The following DLGAP1 variants were observed in gnomAD, a reference collection of about 807,000 sequenced individuals.
DLGAP1 encodes the protein disks large-associated protein 1.
A neutral mutation model predicts 90.8 loss-of-function variants in DLGAP1; 11 were observed. The observed-to-expected ratio is 0.12, with a 90% CI of 0.08 to 0.20. DLGAP1 has a LOEUF of 0.20. Among genes scored for constraint, DLGAP1 ranks in the 10% least tolerant of loss-of-function variants. The pLI is 1.00. For synonymous variants in DLGAP1, 558 were observed against 540.7 expected, an observed-to-expected ratio of 1.03 and a Z score of -0.44; for missense variants, 1,050 against 1,333.8, an observed-to-expected ratio of 0.79 and a Z score of 3.31.
chr18:4,363,700 A>T (rs940929936), intron 1 of DLGAP1, among the ~76,000 whole-genome samples: 4 of 152,338 alleles, frequency 2.6e-5, no homozygotes, highest in Non-Finnish European at 1.5e-5. Flanking sequence ...TTAAAACCAC[A>T]ATGAGATACC....
In DLGAP1 at chr18:4,430,170, T is replaced by C. The variant is rs1037813985; in HGVS notation, c.-267+24836A>G. Among the ~76,000 whole-genome samples the C allele has an allele frequency of 4.6e-5, 7 of 152,174 alleles. No individual in the cohort carries two copies. In the South Asian group the frequency reaches 1.0e-3, roughly 23 times the overall value. ...TGGGGTATTTCAATGTTGCTGATGA[T>C]GTTCTATCTGCAGATGGATGGTGTG... On this transcript the variant is annotated intron_variant, in intron 1 of 12. Transcript: ENST00000315677.
intron 2 of DLGAP1, among the ~76,000 whole-genome samples, chr18:4,081,864 C>T (rs2075613215): frequency 6.6e-6 from 1 of 152,148 alleles, no homozygotes; most frequent in Non-Finnish European, 1.5e-5. Flanking sequence ...AAATCATTTA[C>T]TATGCTCCTA....
intron 3 of DLGAP1, among the ~76,000 whole-genome samples, chr18:3,955,252 C>T (rs1434063666): frequency 6.6e-6 from 1 of 152,142 alleles, no homozygotes; most frequent in East Asian, 1.9e-4. Context: ...ATTGGGCATG[C>T]TCCGGACTTG....
In DLGAP1 at chr18:3,499,055, C is replaced by CT; in HGVS notation, c.*129dup. 1 of 833,796 alleles carries CT rather than the reference C, an allele frequency of 1.2e-6. No individual in the cohort carries two copies. The highest frequency in any genetic ancestry group is 1.9e-5 in the South Asian group (1 of 52,932). 51.6% of individuals were successfully genotyped at this position (833,796 alleles called of 1,614,324 possible). On this transcript the variant is annotated 3_prime_UTR_variant, in exon 13 of 13. Coordinates refer to ENST00000315677, the MANE Select transcript of DLGAP1 (RefSeq NM_004746.4). This position sits in a 1 kb window ranked among gnomAD's most constrained non-coding sequence, Gnocchi z 6.4. Reference sequence around the variant, plus strand: ...GGGGCGGCTCCTGCGAGGTGGACAACTACACCGCGACAGTGGAAGTCACCG... The same window carrying CT: ...GGGGCGGCTCCTGCGAGGTGGACAACTTACACCGCGACAGTGGAAGTCACCG...
chr18:4,024,395 A>G (rs1372568926), intron 2 of DLGAP1, among the ~76,000 whole-genome samples: 1 of 152,208 alleles, frequency 6.6e-6, no homozygotes, highest in Non-Finnish European at 1.5e-5. Flanking sequence ...ACAGCTGGGA[A>G]GAACCCCATG....
At chr18:3,657,004 C>T (rs571927905) in intron 7 of DLGAP1, among the ~76,000 whole-genome samples, 1 of 152,266 alleles carries the variant, frequency 6.6e-6, no homozygotes, top group Admixed American at 6.5e-5. Context: ...CCTCAGCCTC[C>T]CAAAGTGCTG....
intron 1 of DLGAP1, among the ~76,000 whole-genome samples, chr18:4,220,865 C>G (rs952723646): frequency 6.6e-6 from 1 of 152,086 alleles, no homozygotes; most frequent in South Asian, 2.1e-4. Flanking sequence ...TTTAGGTCAA[C>G]AGTGGACCAC....
chr18:3,601,802 G>A (rs2057038750), intron 7 of DLGAP1, among the ~76,000 whole-genome samples: 1 of 139,892 alleles, frequency 7.1e-6, no homozygotes, highest in African/African-American at 2.8e-5. Context: ...CCCAGATCAC[G>A]CCACTGCACT....
At position 3,771,190 on chromosome 18, in the gene DLGAP1, G is replaced by T. The variant is rs116210074; in HGVS notation, c.1173-28678C>A. 8.4e-3 allele frequency: 1,284 copies of T among 152,320 alleles called. 17 individuals are homozygous for T. Among genetic ancestry groups the T allele is most frequent in the African/African-American group, 0.029 (1,185 of 41,570 alleles). The allele number at this position is 152,320 out of a possible 1,614,324, so 9.4% of individuals were successfully genotyped here. A position where few individuals can be genotyped will look rare whatever the true frequency, so the allele number is the denominator to read the frequency against. On this transcript the variant is annotated intron_variant, in intron 5 of 12. Coordinates refer to ENST00000315677, the MANE Select transcript of DLGAP1 (RefSeq NM_004746.4). ...CTGCACGAGCTCAGGGCAGCAAGGA[G>T]ATTAGACAATAAATAAACAAAGCTC...
At chr18:3,791,645 G>A (rs2065740913) in intron 5 of DLGAP1, among the ~76,000 whole-genome samples, 1 of 152,134 alleles carries the variant, frequency 6.6e-6, no homozygotes, top group African/African-American at 2.4e-5. Context: ...GCAATACATG[G>A]CATTATACAC....
Position 4,049,950 on chromosome 18 carries a change from CCATCCATA to C in DLGAP1, c.-158-44757_-158-44750del, listed in dbSNP as rs1210127973. 3.4e-3 allele frequency among the ~76,000 whole-genome samples: 496 copies of C among 147,866 alleles called. 1 individual carries two copies. The highest frequency in any genetic ancestry group is 0.029 in the Middle Eastern group (8 of 280). ...TCCATCCATCCATCCATCCATCCAT[CCATCCATA>C]CTTTAATTCATTTATTCTTTCTCTC... On this transcript the variant is annotated intron_variant, in intron 2 of 12. Coordinates refer to ENST00000315677, the MANE Select transcript of DLGAP1 (RefSeq NM_004746.4).
At chr18:3,540,815 C>A (rs994556436) in intron 9 of DLGAP1, among the ~76,000 whole-genome samples, 1 of 152,026 alleles carries the variant, frequency 6.6e-6, no homozygotes, top group African/African-American at 2.4e-5. Flanking sequence ...TTTCTCTACC[C>A]CAAATAATTG....
chr18:4,430,787 GA>G (rs1301056710), intron 1 of DLGAP1: 1 of 152,086 alleles, frequency 6.6e-6, no homozygotes, highest in Non-Finnish European at 1.5e-5. Flanking sequence ...CTGCCATTAG[GA>G]ATTTAAACCT....
chr18:3,895,321 ATCAT>A (rs970191506), intron 3 of DLGAP1, among the ~76,000 whole-genome samples: 2 of 104,770 alleles, frequency 1.9e-5, no homozygotes, highest in Non-Finnish European at 4.0e-5. Context: ...ACACACACAC[ATCAT>A]CATCATCATC....
intron 10 of DLGAP1, among the ~76,000 whole-genome samples, chr18:3,527,421 T>TTTTTG (rs2051709892): frequency 1.3e-5 from 2 of 148,538 alleles, no homozygotes; most frequent in South Asian, 2.2e-4. Flanking sequence ...TTTTTTTTTT[T>TTTTTG]TTTTTTTTTT....
chr18:4,335,360 C>A (rs992755299), intron 1 of DLGAP1, among the ~76,000 whole-genome samples: 3 of 151,942 alleles, frequency 2.0e-5, no homozygotes, highest in Non-Finnish European at 4.4e-5. Context: ...AGAGAAAAGA[C>A]AAGGATCATT....
intron 1 of DLGAP1, among the ~76,000 whole-genome samples, chr18:4,330,807 T>A (rs756947401): frequency 2.6e-5 from 4 of 151,904 alleles, no homozygotes; most frequent in Non-Finnish European, 5.9e-5. Flanking sequence ...TGGGTTATGT[T>A]CTTGGTGTGT....
At chr18:3,674,294 A>ATATATATAT (rs1555623961) in intron 7 of DLGAP1, among the ~76,000 whole-genome samples, 541 of 42,280 alleles carry the variant, frequency 0.013, 10 homozygotes, top group African/African-American at 0.034. Flanking sequence ...CTATAATATT[A>ATATATATAT]AAATATATAT....
intron 7 of DLGAP1, among the ~76,000 whole-genome samples, chr18:3,602,341 A>G (rs1373808524): frequency 6.6e-6 from 1 of 152,174 alleles, no homozygotes; most frequent in Non-Finnish European, 1.5e-5. Context: ...CACGCCTGTC[A>G]TCCCAGCAAT....
Sources: allele counts gnomAD v4.1 joint callset (sites outside exome capture counted in the v4.1 genomes callset), GRCh38; gene constraint gnomAD v4.1.1; non-coding constraint Gnocchi (gnomAD v3.1); transcripts MANE v1.5; gene names NCBI Gene and HGNC (gene_info 2026-07-23, HGNC 2026-07-21).